Variants in TRPM1 observed in about 807,000 individuals in gnomAD.
The protein encoded by TRPM1 is TRPM1-203 APA Isoform, Intron 10.
In TRPM1, 113 loss-of-function variants were observed where a neutral mutation model predicts 149.4. The ratio of observed to expected loss-of-function variants is 0.76; its 90% CI spans 0.65 to 0.88. The LOEUF is 0.88. Among genes scored for constraint, TRPM1 ranks in the 40% least tolerant of loss-of-function variants. TRPM1 has a pLI of 0.00. For missense variants in TRPM1, 1,976 were observed against 2,038.7 expected, an observed-to-expected ratio of 0.97 and a Z score of 0.59; for synonymous variants, 741 against 759.5, an observed-to-expected ratio of 0.98 and a Z score of 0.40.
rs984678956 is a variant in TRPM1 at position 31,032,008 on chromosome 15, T to G, written c.2952+681A>C. Among the ~76,000 whole-genome samples the G allele has an allele frequency of 1.4e-4, 8 of 57,216 alleles. No homozygotes were observed. In the African/African-American group the frequency reaches 1.8e-3, roughly 13 times the overall value. 37.5% of individuals were successfully genotyped at this position (57,216 alleles called of 152,430 possible). Reference sequence around the variant, plus strand: ...TAGGAGGTTATAAATCAGGCGGGGTTTTTTTTTTTTTTTTTTTTGGCCATA... The same window carrying G: ...TAGGAGGTTATAAATCAGGCGGGGTGTTTTTTTTTTTTTTTTTTGGCCATA... On this transcript the variant is annotated intron_variant, in intron 22 of 27. Coordinates refer to ENST00000256552, the MANE Select transcript of TRPM1 (RefSeq NM_001252024.2).
chr15:31,017,724 C>A (rs1196864453), intron 27 of TRPM1, among the ~76,000 whole-genome samples: 1 of 152,180 alleles, frequency 6.6e-6, no homozygotes, highest in Admixed American at 6.5e-5. Context: ...GAACATGATG[C>A]CACTAAGCCT....
intron 1 of TRPM1, among the ~76,000 whole-genome samples, chr15:31,111,960 T>C (rs2035695747): frequency 6.6e-6 from 1 of 151,968 alleles, no homozygotes; most frequent in South Asian, 2.1e-4. Flanking sequence ...GGGAATAGAG[T>C]ATTGTTACCC....
chr15:31,042,878 G>A (rs945065609), intron 16 of TRPM1, among the ~76,000 whole-genome samples: 6 of 152,202 alleles, frequency 3.9e-5, no homozygotes, highest in East Asian at 1.9e-4. Flanking sequence ...AAGGCAGATC[G>A]TGATTGGGAA....
rs190292566 is a variant in TRPM1, at chr15:31,009,455, G to C, written c.3630-6385C>G. On this transcript the variant is annotated intron_variant, in intron 27 of 27. Transcript: ENST00000256552. ...AGTAAGTAATGTATCATTTTTCTCTGGTCAATTTTTTTCTTTGCTGTCAAT... is the reference window on the plus strand; with the variant it reads ...AGTAAGTAATGTATCATTTTTCTCTCGTCAATTTTTTTCTTTGCTGTCAAT... 2.7e-5 allele frequency among the ~76,000 whole-genome samples: 4 copies of C among 149,628 alleles called. No homozygotes were observed. In the Admixed American group the frequency reaches 2.7e-4, roughly 10 times the overall value.
intron 1 of TRPM1, among the ~76,000 whole-genome samples, chr15:31,125,036 G>A (rs1173845316): frequency 1.3e-5 from 2 of 152,092 alleles, no homozygotes; most frequent in Admixed American, 6.5e-5. Flanking sequence ...TTTGCTGGGT[G>A]TGGTGGCGCA....
At chr15:31,073,257 C>T (rs562677364) in intron 3 of TRPM1, among the ~76,000 whole-genome samples, 8 of 152,224 alleles carry the variant, frequency 5.3e-5, no homozygotes, top group South Asian at 2.1e-4. Flanking sequence ...GCTGAAGAGA[C>T]GACTACTATT....
chr15:31,050,967 A>G (rs2033933686), intron 11 of TRPM1, among the ~76,000 whole-genome samples: 3 of 152,236 alleles, frequency 2.0e-5, no homozygotes, highest in African/African-American at 7.2e-5. Flanking sequence ...GTTCAAAGGC[A>G]CCAAAGACAT....
chr15:31,098,977 T>C (rs1383204817), intron 1 of TRPM1, among the ~76,000 whole-genome samples: 1 of 152,198 alleles, frequency 6.6e-6, no homozygotes, highest in Non-Finnish European at 1.5e-5. Flanking sequence ...GCATTGTAAA[T>C]GCATTTTTCC....
intron 1 of TRPM1, among the ~76,000 whole-genome samples, chr15:31,149,332 G>A (rs1057462843): frequency 6.6e-6 from 1 of 152,122 alleles, no homozygotes; most frequent in Non-Finnish European, 1.5e-5. Context: ...TGAGGGGGGC[G>A]GGTGTGTGTG....
rs764644045 is a variant in TRPM1 at position 31,002,481 on chromosome 15, C to G, written c.4219G>C (p.Asp1407His). 1.2e-6 allele frequency: 2 copies of G among 1,614,194 alleles called. No homozygotes were observed. Among genetic ancestry groups the G allele is most frequent in the Non-Finnish European group, 1.7e-6 (2 of 1,180,024 alleles). ...GATTTGTCCTGTCCATGTATCACAT[C>G]TGTTTTATTTAAACTTGGGGAAATA... ...ETISPSLNKT[D>H]VIHGQDKSDV... Residue 1407 changes from aspartate to histidine, a missense_variant, in exon 28 of 28, where the codon GAT becomes CAT. By Grantham distance (81) the Asp-to-His change is moderately conservative (BLOSUM62 -1). This residue lies in a region of TRPM1 where 572 missense variants were observed against 578.9 expected (regional missense o/e 0.99). Transcript: ENST00000256552.
At chr15:31,117,237 G>A (rs539224185) in intron 1 of TRPM1, among the ~76,000 whole-genome samples, 12 of 151,302 alleles carry the variant, frequency 7.9e-5, no homozygotes, top group Non-Finnish European at 1.6e-4. Flanking sequence ...TGTAATACCA[G>A]CACTTTGGGA....
chr15:31,007,130 T>C (rs2032018946), intron 27 of TRPM1, among the ~76,000 whole-genome samples: 2 of 152,238 alleles, frequency 1.3e-5, no homozygotes, highest in Non-Finnish European at 2.9e-5. Flanking sequence ...CCAAACATTT[T>C]ATAGTTTTGT....
At chr15:31,049,569 G>A in intron 12 of TRPM1, 60 bp from the exon 13 acceptor site, 2 of 1,601,854 alleles carry the variant, frequency 1.2e-6, no homozygotes, top group Non-Finnish European at 1.7e-6. Context: ...GGGGAGGGGG[G>A]CGACTGGAAA....
chr15:31,061,577 G>C (rs915792875), intron 9 of TRPM1, 63 bp from the exon 10 acceptor site: 62 of 1,404,476 alleles, frequency 4.4e-5, no homozygotes, highest in Non-Finnish European at 4.8e-5. Flanking sequence ...ATGGGGTGTT[G>C]TTACAAAATG....
At chr15:31,111,157 T>C (rs2035682585) in intron 1 of TRPM1, among the ~76,000 whole-genome samples, 2 of 152,288 alleles carry the variant, frequency 1.3e-5, no homozygotes, top group South Asian at 4.1e-4. Context: ...GATCCTGCCA[T>C]GAGTAAAGGT....
chr15:31,074,622 T>A (rs1225578864), intron 3 of TRPM1, among the ~76,000 whole-genome samples: 1 of 152,124 alleles, frequency 6.6e-6, no homozygotes, highest in African/African-American at 2.4e-5. Flanking sequence ...TTTGTTGAGG[T>A]TTTTAAAGAA....
chr15:31,120,690 G>A (rs1022003777), intron 1 of TRPM1, among the ~76,000 whole-genome samples: 31 of 150,088 alleles, frequency 2.1e-4, no homozygotes, highest in Admixed American at 8.0e-4. Context: ...TAAAAATCAC[G>A]TGAAGTATGC....
At position 31,022,211 on chromosome 15, in the gene TRPM1, C is replaced by T. The variant is rs192050803; in HGVS notation, c.3629+3928G>A. On this transcript the variant is annotated intron_variant, in intron 27 of 27. Transcript: ENST00000256552. ...GAACCACAAAGAGAACAGTGTGCTCCGTAGTGGATGTGCAGAAGACACAGA... is the reference window on the plus strand; with the variant it reads ...GAACCACAAAGAGAACAGTGTGCTCTGTAGTGGATGTGCAGAAGACACAGA... 2.0e-4 allele frequency among the ~76,000 whole-genome samples: 31 copies of T among 152,276 alleles called. No individual in the cohort carries two copies. The East Asian group carries it at 4.1e-3, about 20-fold the overall frequency.
At chr15:31,010,966 G>A (rs2032163731) in intron 27 of TRPM1, among the ~76,000 whole-genome samples, 1 of 152,090 alleles carries the variant, frequency 6.6e-6, no homozygotes, top group African/African-American at 2.4e-5. Context: ...GTGCATATAT[G>A]TTTATAATTG....
Sources: allele counts gnomAD v4.1 joint callset (sites outside exome capture counted in the v4.1 genomes callset), GRCh38; gene constraint gnomAD v4.1.1; regional missense constraint gnomAD v4.1.1; transcripts MANE v1.5; gene names NCBI Gene and HGNC (gene_info 2026-07-23, HGNC 2026-07-21).